FTO: variants seen among roughly 807,000 people sequenced by gnomAD.
The protein encoded by FTO is alpha-ketoglutarate-dependent dioxygenase FTO.
FTO carries 47 observed loss-of-function variants against 63.9 expected under a neutral mutation model. The ratio of observed to expected loss-of-function variants is 0.74; its 90% CI spans 0.58 to 0.94. FTO has a LOEUF of 0.94. FTO is among the 40% of genes least tolerant of loss of function. FTO has a pLI of 0.00. For missense variants in FTO, 562 were observed against 618.1 expected (o/e 0.91, Z 0.96); for synonymous variants, 207 against 224.4 (o/e 0.92, Z 0.69).
chr16:53,705,857 C>T (rs2075604828), intron 1 of FTO, among the ~76,000 whole-genome samples: 1 of 152,104 alleles, frequency 6.6e-6, no homozygotes, highest in Admixed American at 6.6e-5. Flanking sequence ...TATTATTTGC[C>T]ATAAGTTGGG....
At chr16:54,064,720 A>C (rs1431264972) in intron 8 of FTO, among the ~76,000 whole-genome samples, 1 of 152,174 alleles carries the variant, frequency 6.6e-6, no homozygotes, top group Non-Finnish European at 1.5e-5. Flanking sequence ...TGCCAAGAAC[A>C]CGTTGGTAAT....
chr16:53,884,903 A>G (rs1325600008), intron 6 of FTO, among the ~76,000 whole-genome samples: 4 of 152,220 alleles, frequency 2.6e-5, no homozygotes, highest in Admixed American at 6.5e-5. Context: ...TGAGGTCTTC[A>G]GGGATGTGTC....
chr16:53,744,438 C>G (rs751853084), intron 1 of FTO, among the ~76,000 whole-genome samples: 3 of 152,176 alleles, frequency 2.0e-5, no homozygotes, highest in Admixed American at 1.3e-4. Flanking sequence ...CTTAGTATCT[C>G]TAGTTGACTC....
chr16:53,797,665 T>A (rs2078110663), intron 1 of FTO, among the ~76,000 whole-genome samples: 1 of 152,164 alleles, frequency 6.6e-6, no homozygotes, highest in Admixed American at 6.5e-5. Context: ...ATGTGCAGAT[T>A]TTTATGTAGA....
intron 8 of FTO, among the ~76,000 whole-genome samples, chr16:54,078,383 TAATA>T (rs1396167713): frequency 6.8e-6 from 1 of 147,158 alleles, no homozygotes; most frequent in Non-Finnish European, 1.5e-5. Context: ...ATTAGTAAAA[TAATA>T]AATATAATAT....
intron 2 of FTO, among the ~76,000 whole-genome samples, chr16:53,813,139 G>C (rs1461633624): frequency 6.6e-6 from 1 of 151,922 alleles, no homozygotes; most frequent in East Asian, 1.9e-4. Flanking sequence ...AGACTTCTCT[G>C]TTATCTTTCC....
At chr16:53,967,944 G>T (rs2083232027) in intron 8 of FTO, among the ~76,000 whole-genome samples, 1 of 152,060 alleles carries the variant, frequency 6.6e-6, no homozygotes, top group South Asian at 2.1e-4. Flanking sequence ...GTGCTGCCTA[G>T]CAAATCTTGA....
At chr16:53,889,170 T>C (rs1436170195) in intron 7 of FTO, among the ~76,000 whole-genome samples, 1 of 152,244 alleles carries the variant, frequency 6.6e-6, no homozygotes, top group African/African-American at 2.4e-5. Context: ...GGGCATGTGC[T>C]GGACATATAC....
chr16:53,933,430 A>ATT (rs35131929), intron 7 of FTO, among the ~76,000 whole-genome samples: 1 of 152,080 alleles, frequency 6.6e-6, no homozygotes, highest in Non-Finnish European at 1.5e-5. Context: ...TTGTGTTCCC[A>ATT]TTTTTTTCTT....
At chr16:53,784,559 G>A (rs1323162102) in intron 1 of FTO, among the ~76,000 whole-genome samples, 1 of 152,156 alleles carries the variant, frequency 6.6e-6, no homozygotes, top group Non-Finnish European at 1.5e-5. Flanking sequence ...TGTTGGCAGG[G>A]AGAGGCTCCT....
intron 8 of FTO, among the ~76,000 whole-genome samples, chr16:54,033,791 G>T (rs1299957822): frequency 6.6e-6 from 1 of 152,104 alleles, no homozygotes; most frequent in Admixed American, 6.6e-5. Context: ...ACTCCAGGCT[G>T]GGCCACCGAG....
intron 8 of FTO, among the ~76,000 whole-genome samples, chr16:54,050,311 T>C (rs2144326465): frequency 6.6e-6 from 1 of 152,318 alleles, no homozygotes; most frequent in East Asian, 1.9e-4. Context: ...GAGCAGTGCA[T>C]GTTGCTTGCC....
Position 54,118,136 on chromosome 16 carries a change from A to T in FTO, c.*6221A>T, listed in dbSNP as rs11076023. On this transcript the variant is annotated 3_prime_UTR_variant, in exon 9 of 9. Transcript: ENST00000471389. ...AATGAAGCACTTCTAGCAGGCGGAG[A>T]TTCCCTTTGTTTCTGATCTGGTAAA... 0.49 allele frequency: 74,500 copies of T among 151,928 alleles called. 19,041 individuals are homozygous for T. Among genetic ancestry groups the T allele is most frequent in the African/African-American group, 0.64 (26,415 of 41,408 alleles). The allele number at this position is 151,928 out of a possible 1,614,324, so 9.4% of individuals were successfully genotyped here.
intron 8 of FTO, among the ~76,000 whole-genome samples, chr16:54,074,346 A>G (rs1473331427): frequency 2.0e-5 from 3 of 152,178 alleles, no homozygotes; most frequent in Non-Finnish European, 4.4e-5. Context: ...AGAGAAGTAT[A>G]AAACAGAAAG....
chr16:54,014,505 G>A (rs1356967372), intron 8 of FTO, among the ~76,000 whole-genome samples: 1 of 151,966 alleles, frequency 6.6e-6, no homozygotes, highest in Non-Finnish European at 1.5e-5. Flanking sequence ...TGATGCTGGT[G>A]TCCTGTTTCT....
chr16:54,083,832 TC>T (rs1446997221), intron 8 of FTO, among the ~76,000 whole-genome samples: 1 of 152,156 alleles, frequency 6.6e-6, no homozygotes, highest in Admixed American at 6.6e-5. Context: ...TATCTTTTGT[TC>T]CTCTGGTGGA....
chr16:53,710,003 G>C (rs1242808572), intron 1 of FTO, among the ~76,000 whole-genome samples: 1 of 151,930 alleles, frequency 6.6e-6, no homozygotes, highest in African/African-American at 2.4e-5. Context: ...GAATTTTATA[G>C]CATTTTTTTC....
intron 7 of FTO, among the ~76,000 whole-genome samples, chr16:53,901,836 A>G (rs367988138): frequency 6.6e-6 from 1 of 152,158 alleles, no homozygotes; most frequent in Admixed American, 6.5e-5. Context: ...TGAGTGAGTA[A>G]TAACTCTCAG....
At chr16:53,903,362 G>T (rs868401733) in intron 7 of FTO, among the ~76,000 whole-genome samples, 1 of 151,502 alleles carries the variant, frequency 6.6e-6, no homozygotes, top group Non-Finnish European at 1.5e-5. Context: ...GGGTCCAAGC[G>T]ATTCTCCTGC....
Sources: allele counts gnomAD v4.1 joint callset (sites outside exome capture counted in the v4.1 genomes callset), GRCh38; gene constraint gnomAD v4.1.1; transcripts MANE v1.5; gene names NCBI Gene and HGNC (gene_info 2026-07-23, HGNC 2026-07-21).